HFM1: variants seen among roughly 807,000 people sequenced by gnomAD.
The protein encoded by HFM1 is probable ATP-dependent DNA helicase HFM1.
In HFM1, 169 loss-of-function variants were observed where a neutral mutation model predicts 192.1. The ratio of observed to expected loss-of-function variants is 0.88; its 90% CI spans 0.78 to 1.00. The LOEUF is 1.00. HFM1 is among the 50% of genes least tolerant of loss of function. HFM1 has a pLI of 0.00. For missense variants in HFM1, 1,661 were observed against 1,668.0 expected (o/e 1.00, Z 0.07); for synonymous variants, 525 against 537.8 (o/e 0.98, Z 0.33).
intron 25 of HFM1, 119 bp downstream of exon 25, chr1:91,318,959 A>C: frequency 2.1e-6 from 2 of 963,994 alleles, no homozygotes; most frequent in Non-Finnish European, 3.0e-6. Context: ...CACTTATTTA[A>C]GCCTACAAAC....
At chr1:91,393,946 C>T in intron 4 of HFM1, 147 bp downstream of exon 4, 1 of 519,230 alleles carries the variant, frequency 1.9e-6, no homozygotes, top group South Asian at 3.5e-5. Context: ...AGGACTATGA[C>T]ACCAGGAATG....
chr1:91,374,836 ACT>A, intron 13 of HFM1, among the ~76,000 whole-genome samples: 1 of 152,270 alleles, frequency 6.6e-6, no homozygotes, highest in South Asian at 2.1e-4. Context: ...TATTATCTGA[ACT>A]TCATGTGAGT....
chr1:91,358,504 C>T (rs1016305045), intron 13 of HFM1, among the ~76,000 whole-genome samples: 2 of 152,062 alleles, frequency 1.3e-5, no homozygotes, highest in African/African-American at 2.4e-5. Context: ...CAAACATACA[C>T]AGTCAACTAA....
intron 32 of HFM1, among the ~76,000 whole-genome samples, 176 bp from the exon 33 acceptor site, chr1:91,274,985 AT>A (rs369981082): frequency 7.3e-4 from 97 of 132,914 alleles, no homozygotes; most frequent in Middle Eastern, 4.1e-3. Context: ...AAATGTTGGC[AT>A]TTTTTTTTTT....
intron 37 of HFM1, 26 bp from the exon 38 acceptor site, chr1:91,262,418 T>A (rs1413230287): frequency 6.3e-7 from 1 of 1,579,486 alleles, no homozygotes; most frequent in African/African-American, 1.4e-5. Context: ...AAAATAACAA[T>A]CATTGAAAGT....
At chr1:91,332,278 T>A (rs567360314) in intron 20 of HFM1, among the ~76,000 whole-genome samples, 5 of 152,052 alleles carry the variant, frequency 3.3e-5, no homozygotes, top group Non-Finnish European at 7.4e-5. Flanking sequence ...TGGAACAGAA[T>A]AAGGAACCCA....
chr1:91,288,447 T>C (rs1051575114), intron 30 of HFM1, among the ~76,000 whole-genome samples: 1 of 150,182 alleles, frequency 6.7e-6, no homozygotes, highest in Admixed American at 6.7e-5. Flanking sequence ...GGCAGGGTCA[T>C]AGGACAATAG....
chr1:91,266,882 T>A (rs991797806), intron 35 of HFM1, among the ~76,000 whole-genome samples: 1 of 152,232 alleles, frequency 6.6e-6, no homozygotes, highest in Non-Finnish European at 1.5e-5. Context: ...GGTCAAATCC[T>A]GTTCTTTTCA....
chr1:91,363,524 C>CA (rs140616807), intron 13 of HFM1, among the ~76,000 whole-genome samples: 28,086 of 117,950 alleles, frequency 0.24, 3,013 homozygotes, highest in South Asian at 0.35. Context: ...ACTAAAAAGT[C>CA]AAAAAAAAAA....
rs34902756 is a variant in HFM1 at position 91,343,230 on chromosome 1, C to CAAAA, written c.2335+196_2335+199dup. 4.7e-3 allele frequency among the ~76,000 whole-genome samples: 347 copies of CAAAA among 74,380 alleles called. 25 individuals carry two copies. The highest frequency in any genetic ancestry group is 8.7e-3 in the African/African-American group (158 of 18,144). 48.8% of individuals were successfully genotyped at this position (74,380 alleles called of 152,430 possible). On this transcript the variant is annotated intron_variant, in intron 20 of 38. Transcript: ENST00000370425. ...TGGGCAAAAGAGTGAGACTCTGTCT[C>CAAAA]AAAAAAAAAAAAAAAAAAAAAAACT... is the stretch of plus-strand genomic sequence containing the variant.
chr1:91,271,044 T>G (rs2100732986), intron 34 of HFM1, among the ~76,000 whole-genome samples: 1 of 152,236 alleles, frequency 6.6e-6, no homozygotes, highest in East Asian at 1.9e-4. Flanking sequence ...GGAAACTGCT[T>G]CTACAATTCT....
At chr1:91,271,300 TA>T (rs1666266328) in intron 34 of HFM1, among the ~76,000 whole-genome samples, 1 of 152,104 alleles carries the variant, frequency 6.6e-6, no homozygotes, top group Admixed American at 6.6e-5. Context: ...TATTAAAAAG[TA>T]AAGCCAAGTA....
intron 7 of HFM1, among the ~76,000 whole-genome samples, chr1:91,380,461 A>G (rs1661423783): frequency 6.6e-6 from 1 of 152,138 alleles, no homozygotes; most frequent in South Asian, 2.1e-4. Context: ...ACCTAGGAGA[A>G]AATCATTCCT....
chr1:91,380,583 G>T (rs892939361), intron 7 of HFM1, among the ~76,000 whole-genome samples: 4 of 152,042 alleles, frequency 2.6e-5, no homozygotes, highest in Admixed American at 2.6e-4. Flanking sequence ...GCAAAACTCT[G>T]TCTCCACTAC....
intron 30 of HFM1, among the ~76,000 whole-genome samples, chr1:91,298,642 TAAAGA>T (rs1648114621): frequency 6.6e-6 from 1 of 152,138 alleles, no homozygotes; most frequent in Non-Finnish European, 1.5e-5. Context: ...TCAACATTCT[TAAAGA>T]AAAGAATTTT....
At chr1:91,315,777 T>A (rs768149688) in intron 28 of HFM1, 38 bp downstream of exon 28, 1 of 1,526,654 alleles carries the variant, frequency 6.6e-7, no homozygotes. Context: ...CAGTATATGC[T>A]TAGAAATAAG....
Position 91,328,435 on chromosome 1 carries a change from C to T in HFM1, c.2336-3669G>A, listed in dbSNP as rs1321722568. The T allele has an allele frequency of 1.6e-5, 26 of 1,609,296 alleles. No homozygotes were observed. The Middle Eastern group carries it at 5.0e-4, about 31-fold the overall frequency. ...TGCTGATGTGGCCCCCAGTGCCACC[C>T]GGGAGAATGACATCAAGAGCTACTT... On this transcript the variant is annotated intron_variant, in intron 20 of 38. Transcript: ENST00000370425.
At chr1:91,329,510 G>A in intron 20 of HFM1, 1 of 1,524,964 alleles carries the variant, frequency 6.6e-7, no homozygotes, top group Non-Finnish European at 8.9e-7. Context: ...AGTTTAAAAG[G>A]GGAAAATAAA....
intron 4 of HFM1, among the ~76,000 whole-genome samples, chr1:91,391,724 C>T (rs577281012): frequency 6.6e-4 from 101 of 152,096 alleles, no homozygotes; most frequent in Non-Finnish European, 1.1e-3. Context: ...CCAAAAGCAA[C>T]GGCAACAAAA....
Sources: gnomAD v4.1 joint callset for allele counts (sites outside exome capture counted in the v4.1 genomes callset) on GRCh38, gnomAD v4.1.1 for gene constraint, MANE v1.5 for transcripts, NCBI Gene and HGNC (gene_info 2026-07-23, HGNC 2026-07-21) for gene names.